The following NRXN1 variants were observed in gnomAD, a reference collection of about 807,000 sequenced individuals.
NRXN1 encodes the protein neurexin-1.
NRXN1 carries 39 observed loss-of-function variants against 150.9 expected under a neutral mutation model. That is an observed-to-expected ratio of 0.26 (90% CI 0.20 to 0.34). The LOEUF is 0.34. NRXN1 is among the 10% of genes least tolerant of loss of function. NRXN1 has a pLI of 1.00. For synonymous variants in NRXN1, 924 were observed against 757.0 expected (o/e 1.22, Z -3.62); for missense variants, 1,815 against 1,949.9 (o/e 0.93, Z 1.30).
At chr2:49,928,385 C>T (rs777654142) in intron 22 of NRXN1, among the ~76,000 whole-genome samples, 1 of 152,030 alleles carries the variant, frequency 6.6e-6, no homozygotes, top group Non-Finnish European at 1.5e-5. Context: ...TCTGTCTCCA[C>T]CCCACCTAGG....
In NRXN1 at chr2:50,834,222, TTGCTCTTAAATTTAAGATTCTC is replaced by T. The variant is rs373412336; in HGVS notation, c.832+87625_832+87646del. Among the ~76,000 whole-genome samples the T allele has an allele frequency of 2.2e-3, 340 of 152,316 alleles. 3 individuals are homozygous for T. Among genetic ancestry groups the T allele is most frequent in the African/African-American group, 7.9e-3 (329 of 41,570 alleles). On this transcript the variant is annotated intron_variant, in intron 5 of 22. Transcript: ENST00000401669. Reference sequence around the variant, plus strand: ...AAATATATTGAACATGGGAGGGATTTTGCTCTTAAATTTAAGATTCTCTGTAATCAACTGTGAAAATCTGAAT... The same window carrying T: ...AAATATATTGAACATGGGAGGGATTTTGTAATCAACTGTGAAAATCTGAAT...
chr2:50,519,149 A>G (rs2092709156), intron 12 of NRXN1, among the ~76,000 whole-genome samples: 1 of 151,940 alleles, frequency 6.6e-6, no homozygotes, highest in African/African-American at 2.4e-5. Flanking sequence ...GGCTATGGAC[A>G]AACTGTACAT....
At chr2:50,435,490 CT>C (rs2085344648) in intron 17 of NRXN1, among the ~76,000 whole-genome samples, 1 of 152,150 alleles carries the variant, frequency 6.6e-6, no homozygotes, top group Admixed American at 6.5e-5. Context: ...ATTATGTAGT[CT>C]GCATAGTATT....
intron 18 of NRXN1, among the ~76,000 whole-genome samples, chr2:50,145,115 T>C (rs1707818136): frequency 6.6e-6 from 1 of 151,792 alleles, no homozygotes; most frequent in African/African-American, 2.4e-5. Flanking sequence ...TTTTAGTATT[T>C]ACTGTTTAAA....
chr2:50,868,845 A>T (rs1185975148), intron 5 of NRXN1, among the ~76,000 whole-genome samples: 1 of 151,904 alleles, frequency 6.6e-6, no homozygotes, highest in African/African-American at 2.4e-5. Flanking sequence ...AATTCAAAGT[A>T]TAAATTGTAG....
At chr2:49,964,532 A>C (rs974792717) in intron 21 of NRXN1, among the ~76,000 whole-genome samples, 5 of 150,750 alleles carry the variant, frequency 3.3e-5, no homozygotes, top group African/African-American at 1.2e-4. Context: ...GTGAGCCGAG[A>C]TCACGCCATT....
intron 2 of NRXN1, among the ~76,000 whole-genome samples, chr2:50,968,934 G>T (rs190156137): frequency 1.3e-5 from 2 of 152,170 alleles, no homozygotes; most frequent in East Asian, 3.9e-4. Context: ...TTAGAAAAAT[G>T]TCTGAACACC....
intron 5 of NRXN1, among the ~76,000 whole-genome samples, chr2:50,761,461 C>A (rs1021634433): frequency 6.6e-6 from 1 of 151,878 alleles, no homozygotes; most frequent in African/African-American, 2.4e-5. Flanking sequence ...ATGTAAGATG[C>A]GCCTTTGCTC....
intron 17 of NRXN1, among the ~76,000 whole-genome samples, chr2:50,298,734 T>G (rs1387358797): frequency 6.6e-6 from 1 of 152,210 alleles, no homozygotes; most frequent in Non-Finnish European, 1.5e-5. Flanking sequence ...TTACATAATC[T>G]ATTTCTAATG....
chr2:50,442,074 T>C (rs1485792730), intron 17 of NRXN1, among the ~76,000 whole-genome samples: 1 of 152,184 alleles, frequency 6.6e-6, no homozygotes, highest in Non-Finnish European at 1.5e-5. Context: ...TACTGCATAC[T>C]TTCTATAGTG....
At chr2:49,995,804 AT>A (rs1558657225) in intron 21 of NRXN1, among the ~76,000 whole-genome samples, 1 of 133,734 alleles carries the variant, frequency 7.5e-6, no homozygotes, top group East Asian at 2.2e-4. Context: ...AAAAAAAAAG[AT>A]AGGAAAAGAA....
chr2:49,948,157 A>C (rs1323140178), intron 21 of NRXN1, among the ~76,000 whole-genome samples: 3 of 152,216 alleles, frequency 2.0e-5, no homozygotes, highest in South Asian at 2.1e-4. Flanking sequence ...TTCTTAAAAA[A>C]ATTCATGGGC....
chr2:49,983,172 A>T (rs1680265312), intron 21 of NRXN1, among the ~76,000 whole-genome samples: 1 of 152,128 alleles, frequency 6.6e-6, no homozygotes, highest in East Asian at 1.9e-4. Flanking sequence ...CACTTATTCA[A>T]ATAGCTCTGT....
At chr2:50,020,204 A>G (rs1461117435) in intron 21 of NRXN1, among the ~76,000 whole-genome samples, 1 of 152,128 alleles carries the variant, frequency 6.6e-6, no homozygotes, top group Non-Finnish European at 1.5e-5. Context: ...ACAATGGGTA[A>G]TCCATATTAA....
intron 5 of NRXN1, among the ~76,000 whole-genome samples, chr2:50,821,259 A>G (rs901770755): frequency 6.6e-6 from 1 of 152,186 alleles, no homozygotes; most frequent in Non-Finnish European, 1.5e-5. Flanking sequence ...AAATTCTTAA[A>G]GTTTCTTAAA....
At chr2:50,939,466 AAT>A (rs1224944105) in intron 2 of NRXN1, among the ~76,000 whole-genome samples, 2 of 152,016 alleles carry the variant, frequency 1.3e-5, no homozygotes, top group African/African-American at 2.4e-5. Context: ...TTTATAATAA[AAT>A]ATGTCAAACT....
chr2:50,208,584 G>A (rs1240875180), intron 18 of NRXN1, among the ~76,000 whole-genome samples: 1 of 152,006 alleles, frequency 6.6e-6, no homozygotes, highest in African/African-American at 2.4e-5. Flanking sequence ...AGAGGAGGTG[G>A]TGGTGGAGGG....
At chr2:50,371,789 T>C (rs142517974) in intron 17 of NRXN1, among the ~76,000 whole-genome samples, 2,154 of 151,976 alleles carry the variant, frequency 0.014, 27 homozygotes, top group Middle Eastern at 0.034. Flanking sequence ...TTTTTATATT[T>C]ATAAAATATA....
chr2:49,965,699 T>G (rs553421375), intron 21 of NRXN1, among the ~76,000 whole-genome samples: 1 of 152,210 alleles, frequency 6.6e-6, no homozygotes, highest in Non-Finnish European at 1.5e-5. Flanking sequence ...AGGATCTCAT[T>G]TGGCAGTTTT....
Sources: gnomAD v4.1 joint callset for allele counts (sites outside exome capture counted in the v4.1 genomes callset) on GRCh38, gnomAD v4.1.1 for gene constraint, MANE v1.5 for transcripts, NCBI Gene and HGNC (gene_info 2026-07-23, HGNC 2026-07-21) for gene names.